Variants in NEK11 observed in about 807,000 individuals in gnomAD.
The protein encoded by NEK11 is serine/threonine-protein kinase Nek11.
NEK11 carries 72 observed loss-of-function variants against 80.7 expected under a neutral mutation model. The ratio of observed to expected loss-of-function variants is 0.89; its 90% CI spans 0.74 to 1.08. The LOEUF is 1.08. NEK11 is among the 50% of genes least tolerant of loss of function. The probability of loss-of-function intolerance (pLI) is 0.00; values close to 1 mark genes in which losing one functional copy is unlikely to be tolerated. For synonymous variants in NEK11, 251 were observed against 260.7 expected (o/e 0.96, Z 0.36); for missense variants, 764 against 763.6 (o/e 1.00, Z -0.01).
chr3:131,221,498 G>A (rs768976637), intron 14 of NEK11, among the ~76,000 whole-genome samples: 5 of 152,104 alleles, frequency 3.3e-5, no homozygotes, highest in African/African-American at 1.2e-4. Flanking sequence ...ACCATTCTGG[G>A]AAGCCTGTCA....
In NEK11 at chr3:131,173,226, C is replaced by G. The variant is rs192533946; in HGVS notation, c.1399+2339C>G. ...TTAATAAACTTGCCTCCACTTTTCT[C>G]TATGAACTTGCCCTGAATTATTTCT... is the stretch of plus-strand genomic sequence containing the variant. On this transcript the variant is annotated intron_variant, in intron 14 of 17. Transcript: ENST00000383366. Among the ~76,000 whole-genome samples, 13 of 152,284 alleles carry G rather than the reference C, an allele frequency of 8.5e-5. No homozygotes were observed. The East Asian group carries it at 2.3e-3, about 27-fold the overall frequency.
At chr3:131,063,378 A>G (rs1214787547) in intron 3 of NEK11, among the ~76,000 whole-genome samples, 2 of 152,200 alleles carry the variant, frequency 1.3e-5, no homozygotes, top group African/African-American at 4.8e-5. Flanking sequence ...TGGTTAATTA[A>G]GATAATTCAG....
intron 14 of NEK11, chr3:131,174,646 G>T: frequency 2.9e-6 from 3 of 1,048,402 alleles, no homozygotes; most frequent in Non-Finnish European, 4.1e-6. Context: ...AGTACAACTG[G>T]AATGTTAAAG....
At chr3:131,282,740 A>ATATCTTGACAGGAAGATCTAAACAG (rs2096416077) in intron 17 of NEK11, among the ~76,000 whole-genome samples, 1 of 152,220 alleles carries the variant, frequency 6.6e-6, no homozygotes, top group African/African-American at 2.4e-5. Flanking sequence ...AGAACATGAG[A>ATATCTTGACAGGAAGATCTAAACAG]AGTCCATGAT....
At chr3:131,291,950 G>A (rs1424042182) in intron 17 of NEK11, among the ~76,000 whole-genome samples, 1 of 152,030 alleles carries the variant, frequency 6.6e-6, no homozygotes, top group African/African-American at 2.4e-5. Context: ...ATCATTTCTT[G>A]CTCTCAAAAA....
intron 4 of NEK11, among the ~76,000 whole-genome samples, chr3:131,108,492 A>G (rs749496188): frequency 3.3e-5 from 5 of 152,162 alleles, no homozygotes; most frequent in Non-Finnish European, 5.9e-5. Context: ...TTCTCAAATT[A>G]TCTCTAAGTT....
At chr3:131,317,511 C>T (rs1214558646) in intron 17 of NEK11, among the ~76,000 whole-genome samples, 1 of 151,968 alleles carries the variant, frequency 6.6e-6, no homozygotes, top group African/African-American at 2.4e-5. Flanking sequence ...ATTAGGAACA[C>T]TCCTGCCTAT....
Position 131,228,599 on chromosome 3 carries a change from G to T in NEK11, c.1471G>T (p.Asp491Tyr). The change falls in exon 15 of 18, where the codon GAT (aspartate) becomes TAT (tyrosine). Residue 491 changes from aspartate (D) to tyrosine (Y), a missense_variant. Asp to Tyr is a radical substitution (Grantham distance 160). Coordinates refer to ENST00000383366, the MANE Select transcript of NEK11 (RefSeq NM_024800.5). ...ATTTGATTCCTATTGTGAAGAGAGT[G>T]ATGAGGAGGAAGAAGAAATAGCGTT... Reference protein sequence around the residue: ...DAFDSYCEESDEEEEEIALER... With the variant: ...DAFDSYCEESYEEEEEIALER... The T allele has an allele frequency of 6.2e-7, 1 of 1,613,682 alleles. No homozygotes were observed.
chr3:131,274,114 C>G (rs1480707651), intron 17 of NEK11, among the ~76,000 whole-genome samples: 1 of 125,686 alleles, frequency 8.0e-6, no homozygotes, highest in African/African-American at 3.0e-5. Context: ...CCCCCTCCCC[C>G]CACCCCACAA....
At chr3:131,263,267 A>G (rs1330922882) in intron 16 of NEK11, among the ~76,000 whole-genome samples, 12 of 152,108 alleles carry the variant, frequency 7.9e-5, no homozygotes, top group Non-Finnish European at 2.9e-5. Flanking sequence ...ATTCTTACCA[A>G]TGAGTGAGAA....
intron 3 of NEK11, among the ~76,000 whole-genome samples, chr3:131,051,420 A>G (rs993657354): frequency 1.3e-5 from 2 of 152,224 alleles, no homozygotes; most frequent in African/African-American, 4.8e-5. Context: ...GCCAGGTCTA[A>G]AATACCCCGG....
chr3:131,270,896 G>A (rs548658267), intron 16 of NEK11, among the ~76,000 whole-genome samples: 9 of 152,226 alleles, frequency 5.9e-5, no homozygotes, highest in Non-Finnish European at 1.2e-4. Context: ...TATTCTTGGC[G>A]GAACTGATTT....
chr3:131,205,644 C>G (rs1177046253), intron 14 of NEK11, among the ~76,000 whole-genome samples: 1 of 152,150 alleles, frequency 6.6e-6, no homozygotes, highest in Non-Finnish European at 1.5e-5. Context: ...AAGAGGCAGA[C>G]TTTTCAAAAT....
At chr3:131,215,502 C>T (rs1287781879) in intron 14 of NEK11, among the ~76,000 whole-genome samples, 1 of 152,014 alleles carries the variant, frequency 6.6e-6, no homozygotes, top group East Asian at 1.9e-4. Flanking sequence ...TTGCCTTTCT[C>T]TGGGCAAGGG....
intron 7 of NEK11, among the ~76,000 whole-genome samples, chr3:131,146,487 G>A (rs913769949): frequency 6.6e-6 from 1 of 152,056 alleles, no homozygotes; most frequent in African/African-American, 2.4e-5. Flanking sequence ...ATAGTCTCTT[G>A]TAACTCTACT....
At chr3:131,039,025 T>A (rs1375318324) in intron 3 of NEK11, among the ~76,000 whole-genome samples, 1 of 152,230 alleles carries the variant, frequency 6.6e-6, no homozygotes, top group Non-Finnish European at 1.5e-5. Context: ...CTTTACATTG[T>A]CATTGTTGAC....
intron 12 of NEK11, among the ~76,000 whole-genome samples, chr3:131,167,135 C>T (rs2092306302): frequency 6.6e-6 from 1 of 152,162 alleles, no homozygotes; most frequent in Admixed American, 6.6e-5. Flanking sequence ...TCATATGCTG[C>T]TGGTCTGATT....
intron 12 of NEK11, among the ~76,000 whole-genome samples, chr3:131,166,431 G>A (rs1246899789): frequency 1.3e-5 from 2 of 152,180 alleles, no homozygotes; most frequent in Non-Finnish European, 2.9e-5. Flanking sequence ...AGCCAGACAG[G>A]GCCCCTCTTT....
chr3:131,035,799 C>T (rs1308361782), intron 3 of NEK11, among the ~76,000 whole-genome samples: 1 of 152,110 alleles, frequency 6.6e-6, no homozygotes, highest in Non-Finnish European at 1.5e-5. Flanking sequence ...TGGGCAATTA[C>T]TCGCTTAAAC....
Sources: gnomAD v4.1 joint callset for allele counts (sites outside exome capture counted in the v4.1 genomes callset) on GRCh38, gnomAD v4.1.1 for gene constraint, MANE v1.5 for transcripts, NCBI Gene and HGNC (gene_info 2026-07-23, HGNC 2026-07-21) for gene names.